Variants in CHN2 observed in about 807,000 individuals in gnomAD.
CHN2 encodes the protein beta-chimaerin.
Under a neutral mutation model 56.3 loss-of-function variants are expected in CHN2, and 35 were observed. The observed-to-expected ratio is 0.62, with a 90% CI of 0.47 to 0.82. The LOEUF (loss-of-function observed/expected upper bound fraction) is 0.82, where lower values mean the gene tolerates loss of function less well. Among genes scored for constraint, CHN2 ranks in the 40% least tolerant of loss-of-function variants. The probability of loss-of-function intolerance (pLI) is 0.00; values close to 1 mark genes in which losing one functional copy is unlikely to be tolerated. For missense variants in CHN2, 491 were observed against 580.5 expected (o/e 0.85, Z 1.58); for synonymous variants, 210 against 212.8 (o/e 0.99, Z 0.12).
rs1792740342 is a variant in CHN2 at position 29,146,689 on chromosome 7, C to T, written c.106C>T (p.Gln36Ter). ...CGCTTCCCATGCTGGAAGAAGCAAGCAGCCCCAGGGTGGAATCTTAAAAAT... is the reference window on the plus strand; with the variant it reads ...CGCTTCCCATGCTGGAAGAAGCAAGTAGCCCCAGGGTGGAATCTTAAAAAT... Residue 36 changes from glutamine (Q) to a stop codon, truncating the protein, a stop_gained, in exon 1 of 7, where the codon CAG becomes TAG. Coordinates refer to the CHN2 transcript ENST00000439384. LOFTEE classifies it high-confidence loss of function. The T allele has an allele frequency of 3.9e-6, 6 of 1,550,678 alleles. No homozygotes were observed. The highest frequency in any genetic ancestry group is 5.2e-6 in the Non-Finnish European group (6 of 1,147,020).
intron 1 of CHN2, among the ~76,000 whole-genome samples, chr7:29,312,624 G>A (rs368033782): frequency 5.9e-5 from 9 of 152,236 alleles, no homozygotes; most frequent in East Asian, 3.9e-4. Flanking sequence ...AATAATGAGC[G>A]TGCAGAAGAA....
chr7:29,442,002 A>G (rs1783682869), intron 6 of CHN2, among the ~76,000 whole-genome samples: 1 of 152,170 alleles, frequency 6.6e-6, no homozygotes, highest in Non-Finnish European at 1.5e-5. Flanking sequence ...AGAACTACCC[A>G]TGGTAGCCAA....
chr7:29,437,723 G>A (rs1194461692), intron 6 of CHN2, among the ~76,000 whole-genome samples: 1 of 148,190 alleles, frequency 6.7e-6, no homozygotes, highest in African/African-American at 2.5e-5. Context: ...TTTGCTTAGG[G>A]AAAAAAAAAA....
At chr7:29,510,232 G>A (rs540831680) in intron 12 of CHN2, among the ~76,000 whole-genome samples, 1 of 152,290 alleles carries the variant, frequency 6.6e-6, no homozygotes, top group Non-Finnish European at 1.5e-5. Flanking sequence ...CTAAGGGTCA[G>A]GAATCCAGGT....
intron 1 of CHN2, among the ~76,000 whole-genome samples, chr7:29,292,554 C>A (rs1037091206): frequency 1.3e-5 from 2 of 152,218 alleles, no homozygotes; most frequent in Non-Finnish European, 2.9e-5. Flanking sequence ...ACAGCTTCCG[C>A]TTCTATAATG....
intron 6 of CHN2, among the ~76,000 whole-genome samples, chr7:29,455,978 T>A (rs1784723765): frequency 6.6e-6 from 1 of 152,188 alleles, no homozygotes; most frequent in Admixed American, 6.5e-5. Context: ...GAAGAGTCCT[T>A]GGGGGAATGA....
chr7:29,149,754 G>A (rs891849773), intron 2 of CHN2, among the ~76,000 whole-genome samples: 1 of 152,042 alleles, frequency 6.6e-6, no homozygotes, highest in Non-Finnish European at 1.5e-5. Flanking sequence ...GTGTTCCTTG[G>A]CTTGTGGCAG....
intron 1 of CHN2, among the ~76,000 whole-genome samples, chr7:29,343,344 A>G (rs181671008): frequency 1.1e-4 from 16 of 152,290 alleles, no homozygotes; most frequent in Admixed American, 8.5e-4. Context: ...GGCAAAGGTA[A>G]TGACGATGAT....
chr7:29,280,413 T>TAAAA (rs1791609812), intron 1 of CHN2, among the ~76,000 whole-genome samples: 2 of 151,254 alleles, frequency 1.3e-5, no homozygotes, highest in Admixed American at 1.3e-4. Flanking sequence ...AATAAATAAA[T>TAAAA]AAAAATAGGG....
intron 1 of CHN2, among the ~76,000 whole-genome samples, chr7:29,343,310 G>T (rs1797181656): frequency 6.6e-6 from 1 of 152,204 alleles, no homozygotes; most frequent in Non-Finnish European, 1.5e-5. Flanking sequence ...GAGAGAGGGA[G>T]ATCAGGGACA....
chr7:29,471,313 A>G (rs1217245571), intron 6 of CHN2, among the ~76,000 whole-genome samples: 1 of 152,244 alleles, frequency 6.6e-6, no homozygotes, highest in African/African-American at 2.4e-5. Context: ...TGCAACACAA[A>G]GTCTTCCTCT....
intron 2 of CHN2, among the ~76,000 whole-genome samples, chr7:29,365,648 T>G (rs1451824812): frequency 1.3e-5 from 2 of 152,074 alleles, no homozygotes; most frequent in Non-Finnish European, 2.9e-5. Flanking sequence ...GCCCTGAGGT[T>G]GAAGGGAACA....
In CHN2 at chr7:29,329,169, AAG is replaced by A. The variant is rs368467385; in HGVS notation, c.50-25452_50-25451del. Reference sequence around the variant, plus strand: ...ACTGGAAGGGAAAAGGAGGAGGAAAAAGAGACTCCCTCCTCTGCACTTTGAAG... The same window carrying A: ...ACTGGAAGGGAAAAGGAGGAGGAAAAAGACTCCCTCCTCTGCACTTTGAAG... On this transcript the variant is annotated intron_variant, in intron 1 of 12. Coordinates refer to ENST00000222792, the MANE Select transcript of CHN2 (RefSeq NM_004067.4). 5.9e-3 allele frequency among the ~76,000 whole-genome samples: 893 copies of A among 152,180 alleles called. 6 individuals carry two copies. The highest frequency in any genetic ancestry group is 0.021 in the African/African-American group (853 of 41,508).
At chr7:29,226,667 A>AT (rs1786223776) in intron 1 of CHN2, among the ~76,000 whole-genome samples, 1 of 152,234 alleles carries the variant, frequency 6.6e-6, no homozygotes, top group Non-Finnish European at 1.5e-5. Flanking sequence ...TCAGAGTCAA[A>AT]TTTATATCAA....
chr7:29,293,846 C>T (rs918196401), intron 1 of CHN2, among the ~76,000 whole-genome samples: 2 of 148,420 alleles, frequency 1.3e-5, no homozygotes, highest in African/African-American at 2.5e-5. Flanking sequence ...ATAAGCTCCA[C>T]GAGGCTGGGA....
At chr7:29,395,138 G>T (rs970559272) in intron 4 of CHN2, among the ~76,000 whole-genome samples, 9 of 152,200 alleles carry the variant, frequency 5.9e-5, no homozygotes, top group Non-Finnish European at 1.0e-4. Context: ...TACCTTTAGG[G>T]AGAGAGGAAT....
chr7:29,484,008 T>C (rs1409619157), intron 7 of CHN2: 1 of 615,984 alleles, frequency 1.6e-6, no homozygotes, highest in African/African-American at 1.9e-5. Context: ...CATCTATTAT[T>C]ATCTTTTTGT....
At chr7:29,159,246 G>T (rs1441130449) in intron 2 of CHN2, among the ~76,000 whole-genome samples, 3 of 152,158 alleles carry the variant, frequency 2.0e-5, no homozygotes, top group Non-Finnish European at 4.4e-5. Flanking sequence ...TCTTCCACTT[G>T]CAGAAGAGGA....
chr7:29,360,307 C>T (rs1228260066), intron 2 of CHN2, among the ~76,000 whole-genome samples: 5 of 152,082 alleles, frequency 3.3e-5, no homozygotes, highest in South Asian at 2.1e-4. Flanking sequence ...AGATCACCTG[C>T]GGTTGGGAGT....
Sources: allele counts gnomAD v4.1 joint callset (sites outside exome capture counted in the v4.1 genomes callset), GRCh38; gene constraint gnomAD v4.1.1; transcripts MANE v1.5; gene names NCBI Gene and HGNC (gene_info 2026-07-23, HGNC 2026-07-21).